Variants in TNFSF4 observed in about 807,000 individuals in gnomAD.
TNFSF4 encodes tumor necrosis factor ligand superfamily member 4.
Under a neutral mutation model 7.3 loss-of-function variants are expected in TNFSF4, and 4 were observed. That is an observed-to-expected ratio of 0.55 (90% CI 0.27 to 1.25). The LOEUF is 1.25. Ranked by LOEUF, TNFSF4 falls within the 50% of genes most tolerant of loss-of-function variation. TNFSF4 has a pLI of 0.12. For missense variants in TNFSF4, 181 were observed against 208.8 expected (o/e 0.87, Z 0.82); for synonymous variants, 76 against 83.7 (o/e 0.91, Z 0.50).
the TNFSF4 span, among the ~76,000 whole-genome samples, chr1:173,240,861 T>A: frequency 6.6e-6 from 1 of 152,222 alleles, no homozygotes; most frequent in Non-Finnish European, 1.5e-5. Flanking sequence ...TTCTCATGTT[T>A]GCCAAATGAT....
the TNFSF4 span, among the ~76,000 whole-genome samples, chr1:173,282,615 T>C: frequency 4.6e-5 from 7 of 152,092 alleles, no homozygotes; most frequent in African/African-American, 1.7e-4. Context: ...TGTGCCACCA[T>C]GCCCAGCTAA....
rs1187699856 is a variant in TNFSF4, at chr1:173,186,464, C to G, written c.*52G>C. ...ATGAAGAATCCATGCCCTGTCCACC[C>G]CCAGCTTGGTGTTCATGCTGGTGCC... On this transcript the variant is annotated 3_prime_UTR_variant, in exon 3 of 3. Transcript: ENST00000281834. 7.0e-6 allele frequency: 10 copies of G among 1,436,196 alleles called. No individual in the cohort carries two copies. The highest frequency in any genetic ancestry group is 8.6e-6 in the Non-Finnish European group (9 of 1,041,832). 89.0% of individuals were successfully genotyped at this position (1,436,196 alleles called of 1,614,324 possible). A position where few individuals can be genotyped will look rare whatever the true frequency, so the allele number is the denominator to read the frequency against.
chr1:173,272,070 C>T, the TNFSF4 span, among the ~76,000 whole-genome samples: 1 of 152,066 alleles, frequency 6.6e-6, no homozygotes, highest in Non-Finnish European at 1.5e-5. Context: ...AGCTGGAAAC[C>T]ATCATTCTGA....
At chr1:173,372,559 G>T in the TNFSF4 span, among the ~76,000 whole-genome samples, 3 of 152,184 alleles carry the variant, frequency 2.0e-5, no homozygotes, top group Non-Finnish European at 4.4e-5. Context: ...GCAAAAGGCT[G>T]GCCTCACTGT....
chr1:173,428,998 CTCTG>C, the TNFSF4 span, among the ~76,000 whole-genome samples: 22 of 151,016 alleles, frequency 1.5e-4, no homozygotes, highest in African/African-American at 4.9e-4. Flanking sequence ...CAGAGCAAGA[CTCTG>C]TCTAAGGAAA....
chr1:173,334,822 C>A, the TNFSF4 span, among the ~76,000 whole-genome samples: 1 of 152,136 alleles, frequency 6.6e-6, no homozygotes, highest in Non-Finnish European at 1.5e-5. Context: ...TGGCTCCCCT[C>A]AGGGGACCCA....
the TNFSF4 span, among the ~76,000 whole-genome samples, chr1:173,436,193 T>C: frequency 2.0e-4 from 30 of 152,216 alleles, no homozygotes; most frequent in Admixed American, 3.9e-4. Flanking sequence ...ATCTGAGTAA[T>C]ACAGAAATAC....
the TNFSF4 span, among the ~76,000 whole-genome samples, chr1:173,227,136 T>A: frequency 6.6e-6 from 1 of 151,770 alleles, no homozygotes; most frequent in East Asian, 1.9e-4. Context: ...TCAGGAATAC[T>A]TAACAAGCTT....
chr1:173,385,911 C>T, the TNFSF4 span, among the ~76,000 whole-genome samples: 2 of 152,148 alleles, frequency 1.3e-5, no homozygotes, highest in Admixed American at 1.3e-4. Context: ...AAAATTCTCA[C>T]CTGGTCATGT....
At chr1:173,442,723 G>A in the TNFSF4 span, among the ~76,000 whole-genome samples, 1 of 151,492 alleles carries the variant, frequency 6.6e-6, no homozygotes, top group Non-Finnish European at 1.5e-5. Flanking sequence ...GCTAATTTTT[G>A]TATTTTTAGT....
the TNFSF4 span, among the ~76,000 whole-genome samples, chr1:173,308,692 C>T: frequency 2.9e-4 from 44 of 151,956 alleles, no homozygotes; most frequent in Middle Eastern, 6.8e-3. Flanking sequence ...ATGATGAGGG[C>T]AGCTCATCCC....
the TNFSF4 span, among the ~76,000 whole-genome samples, chr1:173,349,131 C>T: frequency 6.6e-6 from 1 of 152,134 alleles, no homozygotes; most frequent in Non-Finnish European, 1.5e-5. Flanking sequence ...CGGGTTCACG[C>T]CATTCTCCTG....
At chr1:173,286,186 T>C in the TNFSF4 span, among the ~76,000 whole-genome samples, 1 of 152,216 alleles carries the variant, frequency 6.6e-6, no homozygotes, top group African/African-American at 2.4e-5. Context: ...TATAGTTCTA[T>C]AGACTCAGTT....
the TNFSF4 span, among the ~76,000 whole-genome samples, chr1:173,271,249 AG>A: frequency 2.6e-5 from 4 of 152,178 alleles, no homozygotes; most frequent in Admixed American, 6.5e-5. Flanking sequence ...GGTATTGCCT[AG>A]GTTTTCTTCT....
the TNFSF4 span, among the ~76,000 whole-genome samples, chr1:173,326,343 AT>A: frequency 6.6e-6 from 1 of 152,226 alleles, no homozygotes; most frequent in Non-Finnish European, 1.5e-5. Flanking sequence ...CTCTCAATAA[AT>A]TAGGTATTGA....
the TNFSF4 span, among the ~76,000 whole-genome samples, chr1:173,361,671 A>G: frequency 1.3e-5 from 2 of 152,078 alleles, no homozygotes; most frequent in African/African-American, 4.8e-5. Flanking sequence ...AAAAGTTTTC[A>G]TTGTTAAAAG....
the TNFSF4 span, among the ~76,000 whole-genome samples, chr1:173,445,065 G>T: frequency 7.2e-5 from 11 of 152,186 alleles, no homozygotes; most frequent in Admixed American, 2.6e-4. Context: ...GTCAGTCATT[G>T]TATCTTGAGA....
the TNFSF4 span, among the ~76,000 whole-genome samples, chr1:173,285,942 A>G: frequency 3.9e-5 from 6 of 152,296 alleles, no homozygotes; most frequent in South Asian, 1.2e-3. Context: ...AAACTTGACA[A>G]TACTTACTCT....
the TNFSF4 span, among the ~76,000 whole-genome samples, chr1:173,246,866 T>C: frequency 6.6e-6 from 1 of 152,188 alleles, no homozygotes; most frequent in South Asian, 2.1e-4. Context: ...CCTCCAGATA[T>C]TCTCTCTTTT....
Sources: allele counts gnomAD v4.1 joint callset (sites outside exome capture counted in the v4.1 genomes callset), GRCh38; gene constraint gnomAD v4.1.1; transcripts MANE v1.5; gene names NCBI Gene and HGNC (gene_info 2026-07-23, HGNC 2026-07-21).